LRRC4C: variants seen among roughly 807,000 people sequenced by gnomAD.
The protein encoded by LRRC4C is leucine rich repeat containing 4C, also known as leucine-rich repeat-containing protein 4C.
A neutral mutation model predicts 33.6 loss-of-function variants in LRRC4C; 5 were observed. The observed-to-expected ratio is 0.15, with a 90% CI of 0.08 to 0.31. The LOEUF is 0.31. Among genes scored for constraint, LRRC4C ranks in the 10% least tolerant of loss-of-function variants. The pLI, the probability that LRRC4C is intolerant of heterozygous loss-of-function variation, is 1.00. For synonymous variants in LRRC4C, 329 were observed against 302.0 expected (o/e 1.09, Z -0.93); for missense variants, 560 against 796.7 (o/e 0.70, Z 3.58).
At chr11:40,336,849 C>T (rs962710949) in intron 3 of LRRC4C, among the ~76,000 whole-genome samples, 68 of 150,522 alleles carry the variant, frequency 4.5e-4, no homozygotes, top group Non-Finnish European at 8.2e-4. Flanking sequence ...TGGCGGGGGG[C>T]GCCTGTAGTC....
chr11:41,419,225 A>C (rs1261607504), intron 1 of LRRC4C, among the ~76,000 whole-genome samples: 7 of 151,900 alleles, frequency 4.6e-5, no homozygotes, highest in Non-Finnish European at 1.0e-4. Context: ...AGGGACACTG[A>C]CCCATACAGC....
intron 1 of LRRC4C, among the ~76,000 whole-genome samples, chr11:41,284,778 C>T (rs1231647707): frequency 1.3e-5 from 2 of 152,154 alleles, no homozygotes; most frequent in Admixed American, 6.5e-5. Flanking sequence ...AACACCAATC[C>T]ATAGCCACAG....
chr11:40,518,809 G>A (rs546908306), intron 3 of LRRC4C, among the ~76,000 whole-genome samples: 8 of 121,758 alleles, frequency 6.6e-5, no homozygotes, highest in African/African-American at 2.4e-4. Context: ...ACATATTGCG[G>A]CACTATTCAC....
At chr11:40,844,724 G>A (rs1953076432) in intron 2 of LRRC4C, among the ~76,000 whole-genome samples, 1 of 152,022 alleles carries the variant, frequency 6.6e-6, no homozygotes, top group Admixed American at 6.6e-5. Context: ...CAAGTAATTG[G>A]TGTAATGTGT....
chr11:40,509,522 G>A (rs746906676), intron 3 of LRRC4C, among the ~76,000 whole-genome samples: 20 of 150,096 alleles, frequency 1.3e-4, no homozygotes, highest in Non-Finnish European at 2.4e-4. Context: ...TTTTTTTTGC[G>A]AAATGACCAA....
intron 3 of LRRC4C, among the ~76,000 whole-genome samples, chr11:40,408,166 T>C (rs961402853): frequency 3.9e-5 from 6 of 152,030 alleles, no homozygotes; most frequent in African/African-American, 1.4e-4. Context: ...TTTCAATTAA[T>C]AAACTATTTC....
intron 1 of LRRC4C, among the ~76,000 whole-genome samples, chr11:41,366,151 T>C (rs988862781): frequency 6.6e-6 from 1 of 152,096 alleles, no homozygotes; most frequent in African/African-American, 2.4e-5. Flanking sequence ...AGCATATATG[T>C]GTGCCTGTTT....
chr11:41,310,144 T>C (rs1384853885), intron 1 of LRRC4C, among the ~76,000 whole-genome samples: 1 of 152,222 alleles, frequency 6.6e-6, no homozygotes, highest in Non-Finnish European at 1.5e-5. Context: ...CAAAGCAAGT[T>C]TGAGCTGCAT....
intron 4 of LRRC4C, among the ~76,000 whole-genome samples, chr11:40,262,022 C>G (rs1941881588): frequency 2.6e-5 from 4 of 152,138 alleles, no homozygotes; most frequent in Admixed American, 2.6e-4. Flanking sequence ...GCAAAAGAAA[C>G]TATCATCAGC....
chr11:40,199,905 G>C (rs1862567607), intron 5 of LRRC4C, among the ~76,000 whole-genome samples: 1 of 152,014 alleles, frequency 6.6e-6, no homozygotes, highest in Non-Finnish European at 1.5e-5. Context: ...TGTTCCACGA[G>C]ATGAGAAAGC....
At chr11:41,161,529 A>G (rs1050982642) in intron 1 of LRRC4C, among the ~76,000 whole-genome samples, 1 of 152,166 alleles carries the variant, frequency 6.6e-6, no homozygotes, top group Non-Finnish European at 1.5e-5. Flanking sequence ...AGATTCCTAC[A>G]GGCATCTTTA....
chr11:40,421,558 TA>T (rs1950525557), intron 3 of LRRC4C, among the ~76,000 whole-genome samples: 1 of 152,224 alleles, frequency 6.6e-6, no homozygotes. Flanking sequence ...ACTTAAACCC[TA>T]ATTTGGTAAC....
At chr11:40,763,021 T>C (rs1243257313) in intron 2 of LRRC4C, among the ~76,000 whole-genome samples, 9 of 101,304 alleles carry the variant, frequency 8.9e-5, no homozygotes, top group Non-Finnish European at 1.6e-4. Context: ...ATTTGCAATA[T>C]TATGGCCATT....
rs567462500 is a variant in LRRC4C at position 40,655,564 on chromosome 11, T to A, written c.-406-7286A>T. ...AAGTTTTGCAAACCACTTTGCTATA[T>A]TGTACTGTTGCCTCTGAAGTTTGAA... is the stretch of plus-strand genomic sequence containing the variant. On this transcript the variant is annotated intron_variant, in intron 2 of 6. Transcript: ENST00000528697. Among the ~76,000 whole-genome samples the A allele has an allele frequency of 1.1e-4, 17 of 152,340 alleles. No individual in the cohort carries two copies. The South Asian group carries it at 1.7e-3, about 15-fold the overall frequency.
chr11:41,053,115 A>G (rs527341267), intron 1 of LRRC4C, among the ~76,000 whole-genome samples: 17 of 152,304 alleles, frequency 1.1e-4, no homozygotes, highest in African/African-American at 2.6e-4. Flanking sequence ...ATGACTCCCA[A>G]TGATTTCTCT....
chr11:41,184,346 C>T (rs778715985), intron 1 of LRRC4C, among the ~76,000 whole-genome samples: 1 of 151,986 alleles, frequency 6.6e-6, no homozygotes, highest in South Asian at 2.1e-4. Context: ...TTTAACAGCA[C>T]CCATGTCACC....
chr11:41,009,028 G>T (rs1038971837), intron 1 of LRRC4C, among the ~76,000 whole-genome samples: 1 of 151,878 alleles, frequency 6.6e-6, no homozygotes, highest in African/African-American at 2.4e-5. Flanking sequence ...TTATATGAAA[G>T]ATAACGCCAA....
At chr11:40,950,961 G>A (rs776344481) in intron 1 of LRRC4C, among the ~76,000 whole-genome samples, 1 of 151,354 alleles carries the variant, frequency 6.6e-6, no homozygotes, top group Non-Finnish European at 1.5e-5. Flanking sequence ...TCTTTTTAAA[G>A]GCTTTGTGAT....
chr11:40,365,084 A>G (rs1036781792), intron 3 of LRRC4C, among the ~76,000 whole-genome samples: 4 of 150,982 alleles, frequency 2.6e-5, no homozygotes, highest in Middle Eastern at 3.4e-3. Context: ...GGAAAATTTT[A>G]CCAGTAGAAA....
Sources: gnomAD v4.1 joint callset for allele counts (sites outside exome capture counted in the v4.1 genomes callset) on GRCh38, gnomAD v4.1.1 for gene constraint, MANE v1.5 for transcripts, NCBI Gene and HGNC (gene_info 2026-07-23, HGNC 2026-07-21) for gene names.